TTC29: variants seen among roughly 807,000 people sequenced by gnomAD.
TTC29 encodes the protein tetratricopeptide repeat protein 29.
A neutral mutation model predicts 58.1 loss-of-function variants in TTC29; 49 were observed. The observed-to-expected ratio is 0.84, with a 90% CI of 0.67 to 1.07. TTC29 has a LOEUF of 1.07. Among genes scored for constraint, TTC29 ranks in the 50% least tolerant of loss-of-function variants. TTC29 has a pLI of 0.00. For missense variants in TTC29, 582 were observed against 555.6 expected, an observed-to-expected ratio of 1.05 and a Z score of -0.48; for synonymous variants, 209 against 196.8, an observed-to-expected ratio of 1.06 and a Z score of -0.52.
chr4:146,868,289 G>A (rs189947157), intron 7 of TTC29, among the ~76,000 whole-genome samples: 10 of 151,942 alleles, frequency 6.6e-5, no homozygotes, highest in East Asian at 1.9e-4. Flanking sequence ...GAGTTAATGG[G>A]TGCAGCACAC....
At chr4:146,938,559 A>G (rs1560740398) in intron 3 of TTC29, among the ~76,000 whole-genome samples, 2 of 152,198 alleles carry the variant, frequency 1.3e-5, no homozygotes, top group African/African-American at 4.8e-5. Flanking sequence ...ACATTATTCA[A>G]AAGTAAAACA....
chr4:146,798,687 A>G (rs2150112223), intron 11 of TTC29, among the ~76,000 whole-genome samples: 1 of 151,870 alleles, frequency 6.6e-6, no homozygotes, highest in African/African-American at 2.4e-5. Context: ...TCAGATTGAG[A>G]CCATCCTGGG....
intron 11 of TTC29, among the ~76,000 whole-genome samples, chr4:146,796,260 A>T (rs536317080): frequency 6.6e-6 from 1 of 151,924 alleles, no homozygotes; most frequent in African/African-American, 2.4e-5. Flanking sequence ...TAATTTCATT[A>T]GTTTTTAGGA....
intron 11 of TTC29, among the ~76,000 whole-genome samples, chr4:146,774,359 G>T (rs1747942504): frequency 6.6e-6 from 1 of 152,024 alleles, no homozygotes; most frequent in Non-Finnish European, 1.5e-5. Context: ...TTTGATGTGG[G>T]TGTTCAGCCT....
intron 3 of TTC29, among the ~76,000 whole-genome samples, chr4:146,939,223 G>A (rs1231245116): frequency 2.0e-5 from 3 of 152,176 alleles, no homozygotes; most frequent in Non-Finnish European, 4.4e-5. Flanking sequence ...GGGAGGCCAA[G>A]GCGGGTGAAT....
intron 11 of TTC29, among the ~76,000 whole-genome samples, chr4:146,738,570 A>G (rs2150030896): frequency 6.6e-6 from 1 of 152,066 alleles, no homozygotes; most frequent in East Asian, 1.9e-4. Flanking sequence ...CTTATGATAT[A>G]TGTTGTTTCT....
At chr4:146,752,098 A>T (rs1746049803) in intron 11 of TTC29, among the ~76,000 whole-genome samples, 1 of 152,008 alleles carries the variant, frequency 6.6e-6, no homozygotes, top group African/African-American at 2.4e-5. Flanking sequence ...AATAACGGGC[A>T]TTCAATTAGG....
intron 8 of TTC29, among the ~76,000 whole-genome samples, chr4:146,844,618 C>A (rs1729052326): frequency 1.3e-5 from 2 of 151,976 alleles, no homozygotes; most frequent in Admixed American, 6.6e-5. Flanking sequence ...TGGGCTCATG[C>A]AATCCACCCG....
At chr4:146,823,427 T>C (rs1751975115) in intron 9 of TTC29, among the ~76,000 whole-genome samples, 2 of 152,308 alleles carry the variant, frequency 1.3e-5, no homozygotes, top group East Asian at 3.9e-4. Context: ...TGTGTGGTGT[T>C]ATTTCCGAGG....
chr4:146,795,581 G>C (rs778436567), intron 11 of TTC29, among the ~76,000 whole-genome samples: 1 of 152,112 alleles, frequency 6.6e-6, no homozygotes, highest in Non-Finnish European at 1.5e-5. Flanking sequence ...AGGGAAGACA[G>C]AGTAAAACAA....
chr4:146,910,734 G>C (rs9308206), intron 4 of TTC29, among the ~76,000 whole-genome samples: 3 of 152,154 alleles, frequency 2.0e-5, no homozygotes, highest in Non-Finnish European at 4.4e-5. Context: ...TGGCAGTCAG[G>C]TTGTTACAGA....
chr4:146,937,800 A>G (rs186081228), intron 3 of TTC29, 123 bp from the exon 4 acceptor site: 150 of 526,728 alleles, frequency 2.8e-4, no homozygotes, highest in Non-Finnish European at 4.6e-4. Flanking sequence ...AATAAACGCA[A>G]TAGCTATAGA....
chr4:146,923,625 C>G (rs938302142), intron 4 of TTC29, among the ~76,000 whole-genome samples: 12 of 151,910 alleles, frequency 7.9e-5, no homozygotes, highest in African/African-American at 2.6e-4. Flanking sequence ...TGAAGAGACG[C>G]CGCTGTCAAT....
At chr4:146,905,692 T>C (rs544401386) in intron 5 of TTC29, among the ~76,000 whole-genome samples, 89 of 152,302 alleles carry the variant, frequency 5.8e-4, no homozygotes, top group African/African-American at 2.1e-3. Flanking sequence ...ATCAATTTTA[T>C]TGTGGGTTTC....
Position 146,753,412 on chromosome 4 carries a change from G to T in TTC29, c.1331-45861C>A, listed in dbSNP as rs577599119. On this transcript the variant is annotated intron_variant, in intron 11 of 12. Coordinates refer to ENST00000325106, the MANE Select transcript of TTC29 (RefSeq NM_031956.4). ...AAACGTCAGGAAACAACAGGTGCTG[G>T]AGAAGATGTGGAGAAATAGGAACAC... is the stretch of plus-strand genomic sequence containing the variant. Among the ~76,000 whole-genome samples, 4 of 152,290 alleles carry T rather than the reference G, an allele frequency of 2.6e-5. No homozygotes were observed. In the East Asian group the frequency reaches 7.7e-4, roughly 29 times the overall value.
chr4:146,919,988 T>C (rs1467768598), intron 4 of TTC29, among the ~76,000 whole-genome samples: 1 of 151,094 alleles, frequency 6.6e-6, no homozygotes, highest in Non-Finnish European at 1.5e-5. Flanking sequence ...CTGTTTCCTC[T>C]ACACTTGCTA....
chr4:146,826,882 T>G (rs1269992019), intron 9 of TTC29, among the ~76,000 whole-genome samples: 1 of 133,148 alleles, frequency 7.5e-6, no homozygotes, highest in East Asian at 2.3e-4. Context: ...TGATATGCTT[T>G]CTTCTGCTTG....
At chr4:146,839,124 C>T (rs1227171462) in intron 8 of TTC29, among the ~76,000 whole-genome samples, 1 of 151,912 alleles carries the variant, frequency 6.6e-6, no homozygotes, top group Non-Finnish European at 1.5e-5. Flanking sequence ...CATTTTATCC[C>T]AGTGATGACT....
At chr4:146,710,854 G>A (rs555875705) in intron 11 of TTC29, among the ~76,000 whole-genome samples, 2 of 152,136 alleles carry the variant, frequency 1.3e-5, no homozygotes, top group Non-Finnish European at 2.9e-5. Context: ...TAGCCTATAC[G>A]TTACAAAAGC....
Sources: allele counts gnomAD v4.1 joint callset (sites outside exome capture counted in the v4.1 genomes callset), GRCh38; gene constraint gnomAD v4.1.1; transcripts MANE v1.5; gene names NCBI Gene and HGNC (gene_info 2026-07-23, HGNC 2026-07-21).